Variants in VAMP7 observed in about 807,000 individuals in gnomAD.
VAMP7 encodes the protein vesicle associated membrane protein 7.
VAMP7 carries 14 observed loss-of-function variants against 29.6 expected under a neutral mutation model. The ratio of observed to expected loss-of-function variants is 0.47; its 90% CI spans 0.31 to 0.74. VAMP7 has a LOEUF of 0.74. Among genes scored for constraint, VAMP7 ranks in the 30% least tolerant of loss-of-function variants. The pLI is 0.05. For missense variants in VAMP7, 223 were observed against 262.4 expected (o/e 0.85, Z 1.04); for synonymous variants, 95 against 88.1 (o/e 1.08, Z -0.44).
chrX:155,934,131 A>C (rs1168657379), intron 6 of VAMP7, among the ~76,000 whole-genome samples: 1 of 152,124 alleles, frequency 6.6e-6, no homozygotes, highest in Non-Finnish European at 1.5e-5. Context: ...TATGTGGTCA[A>C]TTTTGGAATA....
At chrX:155,885,830 A>C (rs1403322389) in intron 1 of VAMP7, among the ~76,000 whole-genome samples, 1 of 152,220 alleles carries the variant, frequency 6.6e-6, no homozygotes, top group Non-Finnish European at 1.5e-5. Flanking sequence ...TACAGGTTTC[A>C]GAGGGAGCAT....
chrX:155,907,375 C>G (rs1317142397), intron 5 of VAMP7, among the ~76,000 whole-genome samples: 1 of 151,986 alleles, frequency 6.6e-6, no homozygotes, highest in African/African-American at 2.4e-5. Context: ...AGCAGATAAA[C>G]AAGTGAACAA....
chrX:155,895,736 G>T, intron 3 of VAMP7, 56 bp downstream of exon 3: 2 of 1,511,568 alleles, frequency 1.3e-6, no homozygotes, highest in Non-Finnish European at 1.8e-6. Context: ...AATACAGCCA[G>T]TTCTTAATTA....
rs2066775657 is a variant in VAMP7 at position 155,943,400 on chromosome X, A to G, written c.*1449A>G. ...ATGCTACCTGATTCATTTATTTGAC[A>G]TAGATCTTAGGCCCACTTGAACTCT... is the stretch of plus-strand genomic sequence containing the variant. On this transcript the variant is annotated 3_prime_UTR_variant, in exon 8 of 8. Transcript: ENST00000286448. 6.6e-6 allele frequency: 1 copy of G among 152,282 alleles called. No homozygotes were observed. The highest frequency in any genetic ancestry group is 1.5e-5 in the Non-Finnish European group (1 of 67,992). The allele number at this position is 152,282 out of a possible 1,614,324, so 9.4% of individuals were successfully genotyped here. A position where few individuals can be genotyped will look rare whatever the true frequency, so the allele number is the denominator to read the frequency against.
intron 6 of VAMP7, among the ~76,000 whole-genome samples, chrX:155,928,501 T>G (rs964583269): frequency 1.3e-5 from 2 of 152,210 alleles, no homozygotes; most frequent in African/African-American, 4.8e-5. Flanking sequence ...ATTTCTTGGC[T>G]TGTGGCTATA....
Position 155,889,539 on chromosome X carries a change from T to G in VAMP7, c.73T>G (p.Phe25Val). The G allele has an allele frequency of 6.2e-7, 1 of 1,613,960 alleles. No individual in the cohort carries two copies. The highest frequency in any genetic ancestry group is 1.1e-5 in the South Asian group (1 of 91,072). Residue 25 changes from phenylalanine to valine, a missense_variant, in exon 2 of 8, where the codon TTC (phenylalanine) becomes GTC (valine). Coordinates refer to ENST00000286448, the MANE Select transcript of VAMP7 (RefSeq NM_005638.6). Reference sequence around the variant, plus strand: ...CAAACATGCTTGGTGTGGAGGAAACTTCCTGGAGGTGACAGAGCAGATTCT... The same window carrying G: ...CAAACATGCTTGGTGTGGAGGAAACGTCCTGGAGGTGACAGAGCAGATTCT... ...LAKHAWCGGN[F>V]LEVTEQILAK...
chrX:155,912,695 CT>C (rs890738643), intron 5 of VAMP7, among the ~76,000 whole-genome samples: 2 of 152,156 alleles, frequency 1.3e-5, no homozygotes, highest in Non-Finnish European at 2.9e-5. Context: ...TGAACTCCTC[CT>C]TTTTTATGGC....
In VAMP7 at chrX:155,931,653, T is replaced by G. The variant is rs1301874925; in HGVS notation, c.502-8048T>G. Among the ~76,000 whole-genome samples the G allele has an allele frequency of 8.5e-5, 13 of 152,296 alleles. No homozygotes were observed. The South Asian group carries it at 1.9e-3, about 22-fold the overall frequency. ...GTAGATTGCAAAACTTTTCTCCCAC[T>G]CTGTAGGTTGCCTGTTCACTCTGAT... On this transcript the variant is annotated intron_variant, in intron 6 of 7. Transcript: ENST00000286448.
chrX:155,941,614 G>A (rs146645924), intron 7 of VAMP7, among the ~76,000 whole-genome samples: 1,536 of 152,038 alleles, frequency 0.01, 15 homozygotes, highest in Admixed American at 0.016. Context: ...TGATTCTGCC[G>A]AGTTACCAGT....
chrX:155,886,303 G>C (rs1351165188), intron 1 of VAMP7, among the ~76,000 whole-genome samples: 1 of 152,094 alleles, frequency 6.6e-6, no homozygotes, highest in Non-Finnish European at 1.5e-5. Flanking sequence ...CACTTACAAT[G>C]GGGGCAGGTA....
At chrX:155,909,894 T>C (rs755263037) in intron 5 of VAMP7, among the ~76,000 whole-genome samples, 1 of 152,242 alleles carries the variant, frequency 6.6e-6, no homozygotes, top group East Asian at 1.9e-4. Flanking sequence ...AATGATCAAG[T>C]CAGGATATAT....
chrX:155,913,599 A>G (rs1297480551), intron 5 of VAMP7, among the ~76,000 whole-genome samples: 2 of 152,198 alleles, frequency 1.3e-5, no homozygotes, highest in Non-Finnish European at 2.9e-5. Context: ...ATGGCTAGCC[A>G]GTTTTCCCAA....
intron 5 of VAMP7, among the ~76,000 whole-genome samples, chrX:155,910,354 C>T (rs1411095122): frequency 6.6e-6 from 1 of 152,112 alleles, no homozygotes; most frequent in Non-Finnish European, 1.5e-5. Flanking sequence ...TCCATTCATC[C>T]ATTCATGGAC....
intron 6 of VAMP7, among the ~76,000 whole-genome samples, chrX:155,928,991 A>T (rs1479147872): frequency 6.6e-6 from 1 of 152,200 alleles, no homozygotes; most frequent in Non-Finnish European, 1.5e-5. Context: ...CATTTTCTTC[A>T]TATGAGTTTG....
chrX:155,917,644 A>G (rs1229349421), intron 5 of VAMP7, among the ~76,000 whole-genome samples: 2 of 152,134 alleles, frequency 1.3e-5, no homozygotes, highest in Non-Finnish European at 2.9e-5. Flanking sequence ...AGGCTGCAGA[A>G]CAGCAAAGAT....
Position 155,919,797 on chromosome X carries a change from T to C in VAMP7, c.434-16T>C, listed in dbSNP as rs2066369399. The stretch of plus-strand genomic sequence containing the variant: ...AATGGAAAACTTGACCTTTTCTACT[T>C]TTCCAATATTTTCAGATCTGGTAGC... On this transcript the variant is annotated splice_polypyrimidine_tract_variant and intron_variant, in intron 5 of 7. Transcript: ENST00000286448. 6.2e-7 allele frequency: 1 copy of C among 1,606,428 alleles called. No individual in the cohort carries two copies. Among genetic ancestry groups the C allele is most frequent in the Non-Finnish European group, 8.5e-7 (1 of 1,176,858 alleles).
At chrX:155,930,139 A>G (rs980083888) in intron 6 of VAMP7, among the ~76,000 whole-genome samples, 7 of 152,154 alleles carry the variant, frequency 4.6e-5, no homozygotes, top group Non-Finnish European at 1.0e-4. Context: ...CTAACAGGAA[A>G]GCTTACCCAA....
intron 1 of VAMP7, among the ~76,000 whole-genome samples, chrX:155,885,543 G>T (rs1316749261): frequency 6.6e-6 from 1 of 152,162 alleles, no homozygotes; most frequent in Non-Finnish European, 1.5e-5. Context: ...TGGTACCTGT[G>T]AATGGGATCT....
At chrX:155,905,364 T>C (rs764374255) in intron 5 of VAMP7, among the ~76,000 whole-genome samples, 1 of 152,320 alleles carries the variant, frequency 6.6e-6, no homozygotes, top group Admixed American at 6.5e-5. Flanking sequence ...TGCTCTATTC[T>C]GTGAGTTGTC....
Sources: gnomAD v4.1 joint callset for allele counts (sites outside exome capture counted in the v4.1 genomes callset) on GRCh38, gnomAD v4.1.1 for gene constraint, MANE v1.5 for transcripts, NCBI Gene and HGNC (gene_info 2026-07-23, HGNC 2026-07-21) for gene names.